CNTN4: variants seen among roughly 807,000 people sequenced by gnomAD.
The protein encoded by CNTN4 is contactin-4.
CNTN4 carries 77 observed loss-of-function variants against 122.5 expected under a neutral mutation model. The ratio of observed to expected loss-of-function variants is 0.63; its 90% CI spans 0.52 to 0.76. CNTN4 has a LOEUF of 0.76. CNTN4 is among the 30% of genes least tolerant of loss of function. The pLI is 0.00. For synonymous variants in CNTN4, 512 were observed against 447.0 expected (o/e 1.15, Z -1.83); for missense variants, 1,256 against 1,259.1 (o/e 1.00, Z 0.04).
rs1046288661 is a variant in CNTN4 at position 2,831,664 on chromosome 3, T to C, written c.454+12083T>C. ...GTCACAATTAACCCCTGGAAAGGAG[T>C]TGTGTCATAAAAACACTCCATAGGA... On this transcript the variant is annotated intron_variant, in intron 7 of 24. Transcript: ENST00000418658. Among the ~76,000 whole-genome samples the C allele has an allele frequency of 1.1e-4, 16 of 152,164 alleles. 5 individuals carry two copies. The highest frequency in any genetic ancestry group is 1.3e-4 in the Admixed American group (2 of 15,284).
intron 4 of CNTN4, among the ~76,000 whole-genome samples, chr3:2,591,908 C>T (rs1008659099): frequency 5.3e-5 from 8 of 151,954 alleles, no homozygotes; most frequent in African/African-American, 1.9e-4. Context: ...GGCAGGGTCT[C>T]GTTCTGTGAG....
At chr3:2,399,259 A>T (rs1268804778) in intron 3 of CNTN4, among the ~76,000 whole-genome samples, 1 of 152,004 alleles carries the variant, frequency 6.6e-6, no homozygotes. Context: ...ATGGTAAGCC[A>T]TAGTAAGCAT....
chr3:2,973,225 C>T lies in CNTN4; in HGVS notation c.1359-15120C>T, dbSNP rs376938785. Among the ~76,000 whole-genome samples, 255 of 152,112 alleles carry T rather than the reference C, an allele frequency of 1.7e-3. No homozygotes were observed. In the Middle Eastern group the frequency reaches 0.017, roughly 10 times the overall value. On this transcript the variant is annotated intron_variant, in intron 13 of 24. Transcript: ENST00000418658. ...GATTGCTGTAAGGACTTGAGTCGAT[C>T]ATGGAAGTTTCTCCTATGCAAAACA... is the stretch of plus-strand genomic sequence containing the variant.
chr3:2,749,353 A>G (rs9820163), intron 6 of CNTN4, among the ~76,000 whole-genome samples: 32,281 of 115,114 alleles, frequency 0.28, 4,013 homozygotes, highest in African/African-American at 0.39. Flanking sequence ...TTGTATTTTT[A>G]GTAGAGATGG....
chr3:2,719,679 C>T (rs2087720133), intron 4 of CNTN4, among the ~76,000 whole-genome samples: 1 of 152,128 alleles, frequency 6.6e-6, no homozygotes, highest in Admixed American at 6.5e-5. Context: ...CTGCTTGGGC[C>T]TCCCAAAGTG....
intron 3 of CNTN4, among the ~76,000 whole-genome samples, chr3:2,444,745 G>A (rs1342194524): frequency 6.6e-6 from 1 of 151,972 alleles, no homozygotes; most frequent in Non-Finnish European, 1.5e-5. Flanking sequence ...CTGGCTGGCT[G>A]GCTGGCTGGC....
chr3:3,035,563 G>T (rs1258418559), intron 17 of CNTN4, among the ~76,000 whole-genome samples: 1 of 152,018 alleles, frequency 6.6e-6, no homozygotes, highest in Non-Finnish European at 1.5e-5. Flanking sequence ...TTCACTTGCT[G>T]CTGTGTTTTT....
chr3:2,649,559 A>C (rs148949891), intron 4 of CNTN4, among the ~76,000 whole-genome samples: 35 of 152,320 alleles, frequency 2.3e-4, no homozygotes, highest in African/African-American at 8.4e-4. Flanking sequence ...GCTCAGAAAA[A>C]AAGATTCCTT....
chr3:2,866,554 A>C, intron 7 of CNTN4, 198 bp from the exon 8 acceptor site: 2 of 1,263,252 alleles, frequency 1.6e-6, no homozygotes, highest in Non-Finnish European at 2.1e-6. Context: ...TCTGGAAATA[A>C]AACCTTATTG....
chr3:2,518,900 A>T (rs955501790), intron 3 of CNTN4, among the ~76,000 whole-genome samples: 4 of 152,164 alleles, frequency 2.6e-5, no homozygotes, highest in Admixed American at 2.6e-4. Context: ...CCACAGGAAA[A>T]TGAAGACCCA....
chr3:2,719,387 T>A (rs1325283404), intron 4 of CNTN4, among the ~76,000 whole-genome samples: 1 of 151,636 alleles, frequency 6.6e-6, no homozygotes, highest in African/African-American at 2.4e-5. Context: ...CCTCGCCTCC[T>A]GGGTTCAAGT....
At chr3:2,169,012 T>G (rs1220482288) in intron 2 of CNTN4, among the ~76,000 whole-genome samples, 2 of 152,204 alleles carry the variant, frequency 1.3e-5, no homozygotes, top group East Asian at 3.9e-4. Flanking sequence ...TACCAAGTGA[T>G]TTAAAATGTT....
rs77594900 is a variant in CNTN4 at position 2,737,915 on chromosome 3, C to T, written c.182+1574C>T. ...CATTAAACCTTAGTGGTTCTAGTAG[C>T]AGATGAAATACAACCGAAAAGAATT... On this transcript the variant is annotated intron_variant, in intron 5 of 24. Coordinates refer to ENST00000418658, the MANE Select transcript of CNTN4 (RefSeq NM_175607.3). 1.6e-3 allele frequency among the ~76,000 whole-genome samples: 236 copies of T among 152,214 alleles called. 1 individual carries two copies. Among genetic ancestry groups the T allele is most frequent in the African/African-American group, 5.5e-3 (229 of 41,528 alleles).
At chr3:2,188,002 G>T (rs186326618) in intron 2 of CNTN4, among the ~76,000 whole-genome samples, 1 of 151,818 alleles carries the variant, frequency 6.6e-6, no homozygotes, top group Admixed American at 6.6e-5. Context: ...ATGACAGCAA[G>T]AATGAAAAGG....
At chr3:2,304,726 A>G (rs2042642096) in intron 2 of CNTN4, among the ~76,000 whole-genome samples, 1 of 151,476 alleles carries the variant, frequency 6.6e-6, no homozygotes, top group South Asian at 2.1e-4. Context: ...GCAGATAAAC[A>G]GAAGGAGCTT....
At chr3:2,266,465 G>A (rs545199847) in intron 2 of CNTN4, among the ~76,000 whole-genome samples, 1 of 151,896 alleles carries the variant, frequency 6.6e-6, no homozygotes, top group Non-Finnish European at 1.5e-5. Context: ...TCTCAGAGAA[G>A]TTATCTTGCT....
At chr3:2,813,392 CA>C (rs1238184635) in intron 6 of CNTN4, among the ~76,000 whole-genome samples, 16 of 152,152 alleles carry the variant, frequency 1.1e-4, no homozygotes, top group African/African-American at 3.4e-4. Flanking sequence ...CAGGTCTACC[CA>C]AGTCAGGAAA....
intron 6 of CNTN4, among the ~76,000 whole-genome samples, chr3:2,751,803 T>G (rs1576660457): frequency 6.6e-6 from 1 of 152,204 alleles, no homozygotes; most frequent in East Asian, 1.9e-4. Flanking sequence ...AAAATAAATT[T>G]CAGTACACAC....
chr3:2,896,503 G>T (rs1280030752), intron 10 of CNTN4, among the ~76,000 whole-genome samples: 8 of 152,128 alleles, frequency 5.3e-5, no homozygotes, highest in Non-Finnish European at 8.8e-5. Context: ...AATCCAACAT[G>T]CATATTTCTT....
Sources: allele counts gnomAD v4.1 joint callset (sites outside exome capture counted in the v4.1 genomes callset), GRCh38; gene constraint gnomAD v4.1.1; transcripts MANE v1.5; gene names NCBI Gene and HGNC (gene_info 2026-07-23, HGNC 2026-07-21).